The following LDB2 variants were observed in gnomAD, a reference collection of about 807,000 sequenced individuals.
LDB2 encodes LIM domain-binding protein 2.
A neutral mutation model predicts 44.3 loss-of-function variants in LDB2; 12 were observed. The ratio of observed to expected loss-of-function variants is 0.27; its 90% CI spans 0.17 to 0.44. The LOEUF is 0.44. Ranked by LOEUF, LDB2 falls within the 20% of genes least tolerant of loss-of-function variation. The pLI is 1.00. For synonymous variants in LDB2, 164 were observed against 174.8 expected (o/e 0.94, Z 0.49); for missense variants, 344 against 473.5 (o/e 0.73, Z 2.54).
chr4:16,684,537 C>CAA (rs1478652639), intron 2 of LDB2, among the ~76,000 whole-genome samples: 2 of 152,220 alleles, frequency 1.3e-5, no homozygotes, highest in East Asian at 3.8e-4. Context: ...GAGCTGCTGA[C>CAA]AGAGTATATT....
chr4:16,633,438 A>C (rs1296791240), intron 2 of LDB2, among the ~76,000 whole-genome samples: 1 of 151,950 alleles, frequency 6.6e-6, no homozygotes, highest in African/African-American at 2.4e-5. Context: ...AAGTATAATA[A>C]AAAAAATCAC....
At chr4:16,849,883 C>T (rs1787834475) in intron 1 of LDB2, among the ~76,000 whole-genome samples, 1 of 152,198 alleles carries the variant, frequency 6.6e-6, no homozygotes. Flanking sequence ...TTCCAGCACA[C>T]ATGCTAGTCA....
At chr4:16,835,997 T>G (rs1160475783) in intron 1 of LDB2, among the ~76,000 whole-genome samples, 1 of 152,216 alleles carries the variant, frequency 6.6e-6, no homozygotes, top group Non-Finnish European at 1.5e-5. Flanking sequence ...CTAATTTCTT[T>G]GGTGTAAATA....
At chr4:16,548,448 C>G (rs1280159722) in intron 5 of LDB2, among the ~76,000 whole-genome samples, 1 of 152,300 alleles carries the variant, frequency 6.6e-6, no homozygotes, top group South Asian at 2.1e-4. Context: ...CAGCCTCTTC[C>G]AGACACTCTC....
chr4:16,691,478 T>A (rs1241962983), intron 2 of LDB2, among the ~76,000 whole-genome samples: 2 of 152,190 alleles, frequency 1.3e-5, no homozygotes, highest in African/African-American at 4.8e-5. Context: ...TGCTACTCAT[T>A]AAGTAGAGGT....
At chr4:16,626,956 C>T (rs1022063351) in intron 2 of LDB2, 2 of 152,150 alleles carry the variant, frequency 1.3e-5, no homozygotes, top group African/African-American at 4.8e-5. Flanking sequence ...ACAAAGGATT[C>T]TCCAGAAACT....
At chr4:16,822,596 G>A (rs998973565) in intron 1 of LDB2, among the ~76,000 whole-genome samples, 1 of 152,082 alleles carries the variant, frequency 6.6e-6, no homozygotes, top group African/African-American at 2.4e-5. Flanking sequence ...TCGGCTCACT[G>A]CAACCTCTGC....
At position 16,821,877 on chromosome 4, in the gene LDB2, G is replaced by A. The variant is rs1438932913; in HGVS notation, c.133-62617C>T. On this transcript the variant is annotated intron_variant, in intron 1 of 7. Transcript: ENST00000304523. ...CTATGATTAAATAATGAACGTGAGA[G>A]CTGGAAGGAAGGACTCCTGGAACCC... 4.6e-5 allele frequency among the ~76,000 whole-genome samples: 7 copies of A among 151,732 alleles called. No homozygotes were observed. The South Asian group carries it at 1.5e-3, about 31-fold the overall frequency.
Position 16,893,121 on chromosome 4 carries a change from A to G in LDB2, c.132+5233T>C, listed in dbSNP as rs1196750338. On this transcript the variant is annotated intron_variant, in intron 1 of 7. Coordinates refer to ENST00000304523, the MANE Select transcript of LDB2 (RefSeq NM_001290.5). ...GATCCTGAAAAATAAGAGAGTTTGG[A>G]AGTTCTCATTTTTAAAACTGCACTT... The G allele has an allele frequency of 3.1e-6, 3 of 954,214 alleles. No homozygotes were observed. In the African/African-American group the frequency reaches 5.3e-5, roughly 17 times the overall value. 59.1% of individuals were successfully genotyped at this position (954,214 alleles called of 1,614,324 possible).
chr4:16,879,255 T>G (rs1390365083), intron 1 of LDB2, among the ~76,000 whole-genome samples: 1 of 152,192 alleles, frequency 6.6e-6, no homozygotes, highest in African/African-American at 2.4e-5. Context: ...GACACCAGCC[T>G]CTATTATATC....
intron 1 of LDB2, among the ~76,000 whole-genome samples, chr4:16,871,765 C>A (rs931772527): frequency 2.4e-5 from 3 of 125,826 alleles, no homozygotes; most frequent in African/African-American, 1.7e-4. Flanking sequence ...GGATCACAGG[C>A]GCCCACCACC....
At chr4:16,791,334 AT>A (rs1480673650) in intron 1 of LDB2, among the ~76,000 whole-genome samples, 3 of 152,096 alleles carry the variant, frequency 2.0e-5, no homozygotes, top group Admixed American at 2.0e-4. Context: ...AGGTGGGTGG[AT>A]CATGAGGTCA....
intron 1 of LDB2, among the ~76,000 whole-genome samples, chr4:16,792,545 C>T (rs554120355): frequency 2.8e-4 from 42 of 152,254 alleles, no homozygotes; most frequent in African/African-American, 9.1e-4. Flanking sequence ...TCTGCTAAGT[C>T]CTCCTCTCCA....
At position 16,658,547 on chromosome 4, in the gene LDB2, T is replaced by G. The variant is rs1294696629; in HGVS notation, c.236-62672A>C. ...GGACACAATGTTTCTAGATCTGATT[T>G]TTTTTTTCCTAAAGCCTGAAATTTT... On this transcript the variant is annotated intron_variant, in intron 2 of 7. Transcript: ENST00000304523. Among the ~76,000 whole-genome samples, 7 of 151,832 alleles carry G rather than the reference T, an allele frequency of 4.6e-5. 1 individual carries two copies. In the Middle Eastern group the frequency reaches 0.01, roughly 221 times the overall value.
At chr4:16,613,676 A>G (rs1381384364) in intron 2 of LDB2, among the ~76,000 whole-genome samples, 1 of 152,150 alleles carries the variant, frequency 6.6e-6, no homozygotes, top group Non-Finnish European at 1.5e-5. Context: ...TAATCACTAC[A>G]AAGAGAAAAA....
chr4:16,856,367 T>C (rs1789346603), intron 1 of LDB2, among the ~76,000 whole-genome samples: 1 of 152,098 alleles, frequency 6.6e-6, no homozygotes, highest in Admixed American at 6.5e-5. Context: ...TTAGCAAGAG[T>C]AGACAGAAGT....
intron 5 of LDB2, 76 bp from the exon 6 acceptor site, chr4:16,512,180 A>AT: frequency 2.3e-6 from 3 of 1,307,214 alleles, no homozygotes; most frequent in Admixed American, 2.4e-5. Flanking sequence ...AACAGCTGGA[A>AT]TCAAGTAGAC....
rs189525500 is a variant in LDB2, at chr4:16,592,691, T to G, written c.408+3012A>C. Among the ~76,000 whole-genome samples the G allele has an allele frequency of 3.0e-3, 459 of 151,958 alleles. 2 individuals are homozygous for G. Among genetic ancestry groups the G allele is most frequent in the African/African-American group, 0.01 (433 of 41,436 alleles). On this transcript the variant is annotated intron_variant, in intron 3 of 7. Transcript: ENST00000304523. ...CTGGTGGGTGCATTTCCATGGTACT[T>G]CTCTGTAGCAGTAAAAAAATTCATA...
At chr4:16,785,136 CTT>C (rs1278391832) in intron 1 of LDB2, among the ~76,000 whole-genome samples, 1 of 151,436 alleles carries the variant, frequency 6.6e-6, no homozygotes, top group Non-Finnish European at 1.5e-5. Flanking sequence ...AAAATAAATC[CTT>C]TTTCTTAAAA....
Sources: allele counts gnomAD v4.1 joint callset (sites outside exome capture counted in the v4.1 genomes callset), GRCh38; gene constraint gnomAD v4.1.1; transcripts MANE v1.5; gene names NCBI Gene and HGNC (gene_info 2026-07-23, HGNC 2026-07-21).